The following SEMA3A variants were observed in gnomAD, a reference collection of about 807,000 sequenced individuals.
The protein encoded by SEMA3A is semaphorin-3A.
SEMA3A carries 29 observed loss-of-function variants against 97.9 expected under a neutral mutation model. That is an observed-to-expected ratio of 0.30 (90% CI 0.22 to 0.40). The LOEUF (loss-of-function observed/expected upper bound fraction) is 0.40, where lower values mean the gene tolerates loss of function less well. Ranked by LOEUF, SEMA3A falls within the 10% of genes least tolerant of loss-of-function variation. The pLI is 1.00. For synonymous variants in SEMA3A, 321 were observed against 323.7 expected, an observed-to-expected ratio of 0.99 and a Z score of 0.09; for missense variants, 763 against 951.3, an observed-to-expected ratio of 0.80 and a Z score of 2.60.
intron 13 of SEMA3A, among the ~76,000 whole-genome samples, chr7:83,982,473 A>C (rs1472821474): frequency 6.6e-6 from 1 of 152,202 alleles, no homozygotes; most frequent in Non-Finnish European, 1.5e-5. Flanking sequence ...ACACAAAATG[A>C]AATAAAATTA....
At chr7:84,353,116 C>T (rs1272434923) in intron 2 of SEMA3A, among the ~76,000 whole-genome samples, 1 of 151,684 alleles carries the variant, frequency 6.6e-6, no homozygotes, top group Non-Finnish European at 1.5e-5. Context: ...ACTTATAATA[C>T]CCAATATAAT....
intron 2 of SEMA3A, among the ~76,000 whole-genome samples, chr7:84,360,087 C>G (rs922612825): frequency 6.6e-6 from 1 of 151,484 alleles, no homozygotes; most frequent in Non-Finnish European, 1.5e-5. Context: ...TTCAAAAAAC[C>G]AGCTCCTGGT....
intron 15 of SEMA3A, among the ~76,000 whole-genome samples, chr7:83,965,286 C>T (rs1048230317): frequency 1.3e-5 from 2 of 151,720 alleles, no homozygotes; most frequent in Non-Finnish European, 2.9e-5. Flanking sequence ...GGAGACCTTT[C>T]ATTCAATCTC....
intron 3 of SEMA3A, among the ~76,000 whole-genome samples, chr7:84,216,238 C>CT: frequency 6.6e-6 from 1 of 152,274 alleles, no homozygotes; most frequent in East Asian, 1.9e-4. Context: ...TCCCAAGTAG[C>CT]TGGGACTACA....
intron 1 of SEMA3A, among the ~76,000 whole-genome samples, chr7:84,481,396 A>C (rs1806442173): frequency 1.3e-5 from 2 of 152,188 alleles, no homozygotes; most frequent in South Asian, 4.1e-4. Flanking sequence ...AAATAAACCC[A>C]AAAATGCTTT....
At chr7:84,027,494 C>G (rs940298902) in intron 6 of SEMA3A, among the ~76,000 whole-genome samples, 1 of 152,092 alleles carries the variant, frequency 6.6e-6, no homozygotes, top group African/African-American at 2.4e-5. Context: ...TAGAGCAATA[C>G]AAATCTGGGT....
At chr7:84,137,462 C>G (rs996179842) in intron 1 of SEMA3A, among the ~76,000 whole-genome samples, 14 of 148,826 alleles carry the variant, frequency 9.4e-5, no homozygotes, top group Non-Finnish European at 1.2e-4. Flanking sequence ...TACAAATGAT[C>G]AATGCTATGC....
chr7:84,093,812 C>T (rs138352732), intron 4 of SEMA3A, among the ~76,000 whole-genome samples: 1 of 151,652 alleles, frequency 6.6e-6, no homozygotes, highest in East Asian at 1.9e-4. Context: ...GGAAGGAGAG[C>T]ATCAGGAAAA....
intron 3 of SEMA3A, among the ~76,000 whole-genome samples, chr7:84,204,566 G>T (rs1230351837): frequency 6.6e-6 from 1 of 152,118 alleles, no homozygotes; most frequent in Non-Finnish European, 1.5e-5. Context: ...GAAACAGGAG[G>T]CAACTTCTTG....
intron 3 of SEMA3A, among the ~76,000 whole-genome samples, chr7:84,243,257 G>A (rs879762513): frequency 2.0e-5 from 3 of 152,020 alleles, no homozygotes; most frequent in Non-Finnish European, 4.4e-5. Context: ...GGTAGAATTC[G>A]GCTGTGAATC....
rs1788276597 is a variant in SEMA3A, at chr7:83,956,325, T to C, written c.*5046A>G. The C allele has an allele frequency of 6.6e-6, 1 of 152,172 alleles. No individual in the cohort carries two copies. Among genetic ancestry groups the C allele is most frequent in the Admixed American group, 6.6e-5 (1 of 15,258 alleles). The allele number at this position is 152,172 out of a possible 1,614,324, so 9.4% of individuals were successfully genotyped here. ...GGTAAGGCTGTAGGTAGGTGAAATG[T>C]AACAGAAACTTTCGTTTGAACTGAG... On this transcript the variant is annotated 3_prime_UTR_variant, in exon 17 of 17. Coordinates refer to ENST00000265362, the MANE Select transcript of SEMA3A (RefSeq NM_006080.3).
chr7:84,470,351 T>C (rs1806114425), intron 1 of SEMA3A, among the ~76,000 whole-genome samples: 1 of 152,118 alleles, frequency 6.6e-6, no homozygotes, highest in African/African-American at 2.4e-5. Flanking sequence ...TAATCAAAAA[T>C]ATATTTTATT....
At chr7:84,313,354 GTGTATATATA>G (rs1411133799) in intron 2 of SEMA3A, among the ~76,000 whole-genome samples, 536 of 36,802 alleles carry the variant, frequency 0.015, 22 homozygotes, top group South Asian at 0.039. Flanking sequence ...ATATGTGTGT[GTGTATATATA>G]TATATATATA....
At position 84,026,555 on chromosome 7, in the gene SEMA3A, T is replaced by C. The variant is rs562722547; in HGVS notation, c.668-12204A>G. 7.2e-5 allele frequency among the ~76,000 whole-genome samples: 11 copies of C among 152,292 alleles called. No individual in the cohort carries two copies. In the South Asian group the frequency reaches 2.3e-3, roughly 32 times the overall value. Reference sequence around the variant, plus strand: ...AAAGACACATGCACATGAATGTTTTTTGTAGCACTGTTCACAATAGCAAAG... The same window carrying C: ...AAAGACACATGCACATGAATGTTTTCTGTAGCACTGTTCACAATAGCAAAG... On this transcript the variant is annotated intron_variant, in intron 6 of 16. Coordinates refer to ENST00000265362, the MANE Select transcript of SEMA3A (RefSeq NM_006080.3).
chr7:84,064,413 A>G (rs1234988636), intron 4 of SEMA3A, among the ~76,000 whole-genome samples: 1 of 152,198 alleles, frequency 6.6e-6, no homozygotes, highest in Non-Finnish European at 1.5e-5. Flanking sequence ...AAATTCACAC[A>G]TAACAATATT....
At chr7:83,988,874 T>C (rs1198609283) in intron 12 of SEMA3A, among the ~76,000 whole-genome samples, 3 of 151,240 alleles carry the variant, frequency 2.0e-5, no homozygotes, top group Non-Finnish European at 2.9e-5. Flanking sequence ...TTTTTTTTTT[T>C]TTTCTGACAG....
chr7:84,068,397 C>T (rs1364085126), intron 4 of SEMA3A, among the ~76,000 whole-genome samples: 1 of 137,794 alleles, frequency 7.3e-6, no homozygotes, highest in African/African-American at 2.7e-5. Context: ...ACATTGTGCA[C>T]ATGTACCCTA....
At chr7:83,972,280 T>C (rs1788950922) in intron 15 of SEMA3A, among the ~76,000 whole-genome samples, 1 of 152,038 alleles carries the variant, frequency 6.6e-6, no homozygotes, top group East Asian at 1.9e-4. Flanking sequence ...AATAGTTACA[T>C]TGAACACTGT....
chr7:84,199,152 C>T (rs930266973), upstream of SEMA3A, among the ~76,000 whole-genome samples: 17 of 152,162 alleles, frequency 1.1e-4, no homozygotes, highest in African/African-American at 2.4e-4. Flanking sequence ...TACCCTGAAT[C>T]TCTCTGTGAA....
Sources: gnomAD v4.1 joint callset for allele counts (sites outside exome capture counted in the v4.1 genomes callset) on GRCh38, gnomAD v4.1.1 for gene constraint, MANE v1.5 for transcripts, NCBI Gene and HGNC (gene_info 2026-07-23, HGNC 2026-07-21) for gene names.